Variants in HECW2 observed in about 807,000 individuals in gnomAD.
HECW2 encodes the protein E3 ubiquitin-protein ligase HECW2.
HECW2 carries 61 observed loss-of-function variants against 175.2 expected under a neutral mutation model. The observed-to-expected ratio is 0.35, with a 90% CI of 0.28 to 0.43. The LOEUF (loss-of-function observed/expected upper bound fraction) is 0.43. Among genes scored for constraint, HECW2 ranks in the 20% least tolerant of loss-of-function variants. The probability of loss-of-function intolerance (pLI) is 1.00; values close to 1 mark genes in which losing one functional copy is unlikely to be tolerated. For synonymous variants in HECW2, 671 were observed against 731.0 expected, an observed-to-expected ratio of 0.92 and a Z score of 1.32; for missense variants, 1,524 against 2,000.5, an observed-to-expected ratio of 0.76 and a Z score of 4.54.
intron 13 of HECW2, among the ~76,000 whole-genome samples, chr2:196,297,059 T>C (rs1437371213): frequency 6.6e-6 from 1 of 152,180 alleles, no homozygotes; most frequent in Non-Finnish European, 1.5e-5. Flanking sequence ...ATGATACCTA[T>C]TTCATAACAT....
chr2:196,445,429 T>G (rs1696155130), intron 1 of HECW2, among the ~76,000 whole-genome samples: 1 of 152,204 alleles, frequency 6.6e-6, no homozygotes. Flanking sequence ...TTTTTTAAAC[T>G]TTTACTTTAG....
chr2:196,550,656 A>G (rs1689577238), intron 1 of HECW2, among the ~76,000 whole-genome samples: 1 of 152,234 alleles, frequency 6.6e-6, no homozygotes, highest in Non-Finnish European at 1.5e-5. Context: ...AACATGTTAT[A>G]AATGCTATTT....
At chr2:196,380,252 A>T (rs1187939796) in intron 2 of HECW2, among the ~76,000 whole-genome samples, 1 of 151,874 alleles carries the variant, frequency 6.6e-6, no homozygotes, top group African/African-American at 2.4e-5. Context: ...TTGATGGAAC[A>T]CTCCTTCAGT....
At position 196,195,116 on chromosome 2, in the gene HECW2, A is replaced by G. The variant is rs1194776695; in HGVS notation, c.*6161T>C. The G allele has an allele frequency of 6.6e-6, 1 of 152,230 alleles. No homozygotes were observed. Among genetic ancestry groups the G allele is most frequent in the Non-Finnish European group, 1.5e-5 (1 of 68,042 alleles). The allele number at this position is 152,230 out of a possible 1,614,324, so 9.4% of individuals were successfully genotyped here. A position where few individuals can be genotyped will look rare whatever the true frequency, so the allele number is the denominator to read the frequency against. On this transcript the variant is annotated 3_prime_UTR_variant, in exon 29 of 29. Transcript: ENST00000644978. The stretch of plus-strand genomic sequence containing the variant: ...TACTTATGCTATCATATAAAGAAAA[A>G]TAGGTTGTAATTTTATCTTTTAGAG...
At chr2:196,486,899 C>T (rs1339472950) in intron 1 of HECW2, among the ~76,000 whole-genome samples, 1 of 151,944 alleles carries the variant, frequency 6.6e-6, no homozygotes. Flanking sequence ...AATGGAAAGC[C>T]GAGGCAGGAG....
At chr2:196,503,098 C>T (rs990346312) in intron 1 of HECW2, among the ~76,000 whole-genome samples, 3 of 152,138 alleles carry the variant, frequency 2.0e-5, no homozygotes, top group Admixed American at 2.0e-4. Context: ...ATCATGGGCA[C>T]CTGTGCCAGC....
intron 1 of HECW2, among the ~76,000 whole-genome samples, chr2:196,501,422 T>C (rs1391327458): frequency 1.3e-5 from 2 of 152,260 alleles, no homozygotes; most frequent in Non-Finnish European, 2.9e-5. Flanking sequence ...GGAGTCTCTA[T>C]AAAAATATAA....
At chr2:196,339,248 C>T (rs1009852000) in intron 3 of HECW2, among the ~76,000 whole-genome samples, 1 of 152,150 alleles carries the variant, frequency 6.6e-6, no homozygotes, top group Non-Finnish European at 1.5e-5. Flanking sequence ...GCCACCCCAT[C>T]TACACCAAAT....
intron 28 of HECW2, 122 bp from the exon 29 acceptor site, chr2:196,201,510 T>C (rs983426081): frequency 1.1e-5 from 6 of 552,128 alleles, no homozygotes; most frequent in Non-Finnish European, 1.9e-5. Context: ...AATTTATTTG[T>C]TGCCAATTTT....
intron 1 of HECW2, among the ~76,000 whole-genome samples, chr2:196,434,182 T>A (rs182345427): frequency 1.3e-5 from 2 of 152,332 alleles, no homozygotes; most frequent in African/African-American, 4.8e-5. Flanking sequence ...GGCTACTTTA[T>A]CCCCAGTGTC....
At chr2:196,530,572 T>C (rs747959827) in intron 1 of HECW2, among the ~76,000 whole-genome samples, 1 of 152,192 alleles carries the variant, frequency 6.6e-6, no homozygotes, top group African/African-American at 2.4e-5. Context: ...TTTCAAATGG[T>C]TTCATGTCTA....
intron 28 of HECW2, among the ~76,000 whole-genome samples, chr2:196,205,702 T>C (rs1042078822): frequency 6.6e-6 from 1 of 152,160 alleles, no homozygotes; most frequent in African/African-American, 2.4e-5. Flanking sequence ...GATTTTTGGT[T>C]GCACCCCTTG....
At chr2:196,360,986 T>C (rs1210055318) in intron 2 of HECW2, among the ~76,000 whole-genome samples, 1 of 152,220 alleles carries the variant, frequency 6.6e-6, no homozygotes, top group Non-Finnish European at 1.5e-5. Flanking sequence ...TCTCAGGCAC[T>C]AAATGCCAGT....
chr2:196,310,169 G>T (rs1691438138), intron 10 of HECW2, among the ~76,000 whole-genome samples: 1 of 152,204 alleles, frequency 6.6e-6, no homozygotes, highest in South Asian at 2.1e-4. Context: ...ACAAAGGCCA[G>T]TAATAGCCTT....
intron 21 of HECW2, among the ~76,000 whole-genome samples, 190 bp from the exon 22 acceptor site, chr2:196,228,444 T>G (rs943889173): frequency 4.6e-5 from 7 of 152,148 alleles, no homozygotes; most frequent in African/African-American, 1.7e-4. Context: ...ATTAGTAAAA[T>G]GGACATTTAT....
intron 1 of HECW2, among the ~76,000 whole-genome samples, chr2:196,503,333 C>T (rs144547898): frequency 2.4e-3 from 367 of 152,228 alleles, no homozygotes; most frequent in Admixed American, 4.4e-3. Flanking sequence ...CTTGGGCCTA[C>T]GGACTCCTTG....
intron 2 of HECW2, among the ~76,000 whole-genome samples, chr2:196,345,462 G>C (rs1692921622): frequency 6.6e-6 from 1 of 152,166 alleles, no homozygotes; most frequent in Non-Finnish European, 1.5e-5. Context: ...GAACCCTATG[G>C]AAAACTGTAA....
Position 196,197,038 on chromosome 2 carries a change from G to A in HECW2, c.*4239C>T, listed in dbSNP as rs1045484993. 6.6e-6 allele frequency: 1 copy of A among 152,164 alleles called. No homozygotes were observed. Among genetic ancestry groups the A allele is most frequent in the African/African-American group, 2.4e-5 (1 of 41,412 alleles). The allele number at this position is 152,164 out of a possible 1,614,324, so 9.4% of individuals were successfully genotyped here. ...GGTGGAGGTTGCAGTGAGCTCATGT[G>A]CCACTGCACTCCAGCCTGGATGACA... On this transcript the variant is annotated 3_prime_UTR_variant, in exon 29 of 29. Transcript: ENST00000644978.
At chr2:196,308,163 T>A in intron 10 of HECW2, 78 bp from the exon 11 acceptor site, 1 of 1,153,906 alleles carries the variant, frequency 8.7e-7, no homozygotes, top group South Asian at 1.9e-5. Context: ...GTTTGGCATG[T>A]GTTTTCTTTC....
Sources: allele counts gnomAD v4.1 joint callset (sites outside exome capture counted in the v4.1 genomes callset), GRCh38; gene constraint gnomAD v4.1.1; transcripts MANE v1.5; gene names NCBI Gene and HGNC (gene_info 2026-07-23, HGNC 2026-07-21).